Variants in FAM135B observed in about 807,000 individuals in gnomAD.
FAM135B encodes the protein protein FAM135B.
In FAM135B, 43 loss-of-function variants were observed where a neutral mutation model predicts 127.7. The ratio of observed to expected loss-of-function variants is 0.34; its 90% CI spans 0.26 to 0.43. The LOEUF (loss-of-function observed/expected upper bound fraction) is 0.43, where lower values mean the gene tolerates loss of function less well. FAM135B is among the 20% of genes least tolerant of loss of function. FAM135B has a pLI of 1.00. For missense variants in FAM135B, 1,558 were observed against 1,725.6 expected, an observed-to-expected ratio of 0.90 and a Z score of 1.72; for synonymous variants, 670 against 665.1, an observed-to-expected ratio of 1.01 and a Z score of -0.11.
At chr8:138,411,685 C>T (rs1322469577) in intron 1 of FAM135B, among the ~76,000 whole-genome samples, 1 of 152,126 alleles carries the variant, frequency 6.6e-6, no homozygotes, top group African/African-American at 2.4e-5. Context: ...AAACTACCAT[C>T]AGAGTGAACA....
chr8:138,196,244 T>C lies in FAM135B; in HGVS notation c.824-937A>G, dbSNP rs571474593. 1.3e-4 allele frequency among the ~76,000 whole-genome samples: 20 copies of C among 152,340 alleles called. No individual in the cohort carries two copies. In the South Asian group the frequency reaches 3.9e-3, roughly 30 times the overall value. The stretch of plus-strand genomic sequence containing the variant: ...ACTGCTACTGAAAAATCTCCATTTT[T>C]CATTTGAGCTATATAAAGTCACTCT... On this transcript the variant is annotated intron_variant, in intron 8 of 19. Transcript: ENST00000395297.
chr8:138,323,374 C>T (rs768802251), intron 2 of FAM135B, among the ~76,000 whole-genome samples: 1 of 152,210 alleles, frequency 6.6e-6, no homozygotes, highest in Non-Finnish European at 1.5e-5. Flanking sequence ...GGAGAAACCT[C>T]ATGACCCCCT....
chr8:138,384,036 C>T (rs1177851444), intron 1 of FAM135B, among the ~76,000 whole-genome samples: 1 of 152,232 alleles, frequency 6.6e-6, no homozygotes, highest in South Asian at 2.1e-4. Flanking sequence ...ATTGTCTATA[C>T]AGCCAATGTG....
At chr8:138,359,780 C>T (rs965071174) in intron 2 of FAM135B, among the ~76,000 whole-genome samples, 6 of 152,250 alleles carry the variant, frequency 3.9e-5, no homozygotes, top group African/African-American at 1.4e-4. Flanking sequence ...CACAGGGGAG[C>T]TGGATGTCGC....
intron 2 of FAM135B, among the ~76,000 whole-genome samples, chr8:138,361,927 GC>G (rs1479816256): frequency 6.6e-6 from 1 of 152,092 alleles, no homozygotes; most frequent in African/African-American, 2.4e-5. Context: ...TCAGTGACAA[GC>G]ATCTACCATG....
At chr8:138,480,095 T>C (rs1814716256) in intron 1 of FAM135B, among the ~76,000 whole-genome samples, 1 of 152,144 alleles carries the variant, frequency 6.6e-6, no homozygotes, top group African/African-American at 2.4e-5. Context: ...AACAACACGG[T>C]CATTCATTGG....
chr8:138,149,913 C>T (rs749500836), intron 13 of FAM135B, among the ~76,000 whole-genome samples: 8 of 152,178 alleles, frequency 5.3e-5, no homozygotes, highest in Admixed American at 5.2e-4. Context: ...CCTGACCAGG[C>T]AGGCACTGGA....
At chr8:138,390,367 T>G (rs1245296677) in intron 1 of FAM135B, among the ~76,000 whole-genome samples, 2 of 152,124 alleles carry the variant, frequency 1.3e-5, no homozygotes, top group African/African-American at 4.8e-5. Context: ...GGGAAACCCC[T>G]TTTTGCTTGG....
chr8:138,455,115 G>A (rs1836704468), intron 1 of FAM135B, among the ~76,000 whole-genome samples: 2 of 152,252 alleles, frequency 1.3e-5, no homozygotes, highest in South Asian at 4.1e-4. Flanking sequence ...AAGTCTTTGG[G>A]GGATCTATTT....
chr8:138,181,341 T>G (rs1815013490), intron 9 of FAM135B, among the ~76,000 whole-genome samples: 1 of 152,178 alleles, frequency 6.6e-6, no homozygotes, highest in African/African-American at 2.4e-5. Flanking sequence ...GGCTTTTGGA[T>G]GAACTGTAAG....
intron 10 of FAM135B, among the ~76,000 whole-genome samples, chr8:138,177,972 C>T (rs568465201): frequency 6.6e-6 from 1 of 152,280 alleles, no homozygotes; most frequent in East Asian, 1.9e-4. Context: ...TCAGCTGGTG[C>T]AGTGGCTCAT....
intron 12 of FAM135B, among the ~76,000 whole-genome samples, chr8:138,159,888 C>T (rs1819188279): frequency 6.6e-6 from 1 of 152,134 alleles, no homozygotes; most frequent in Admixed American, 6.5e-5. Context: ...TAACCAGGGA[C>T]TCATGATGCA....
At chr8:138,134,053 C>T (rs1177230659) in intron 19 of FAM135B, among the ~76,000 whole-genome samples, 1 of 152,078 alleles carries the variant, frequency 6.6e-6, no homozygotes, top group Non-Finnish European at 1.5e-5. Flanking sequence ...GAGTAGCGGT[C>T]ATTACAACAG....
intron 3 of FAM135B, among the ~76,000 whole-genome samples, chr8:138,270,318 G>C (rs547243746): frequency 1.3e-5 from 2 of 152,314 alleles, no homozygotes; most frequent in South Asian, 4.1e-4. Flanking sequence ...GGTGATACTA[G>C]TGTCAATCAC....
At chr8:138,350,458 T>C (rs1829703432) in intron 2 of FAM135B, among the ~76,000 whole-genome samples, 1 of 151,936 alleles carries the variant, frequency 6.6e-6, no homozygotes, top group East Asian at 1.9e-4. Flanking sequence ...AGATGCTCAC[T>C]GGGACACTAG....
intron 7 of FAM135B, among the ~76,000 whole-genome samples, chr8:138,213,074 C>T (rs547380417): frequency 7.2e-5 from 11 of 152,262 alleles, no homozygotes; most frequent in African/African-American, 1.2e-4. Context: ...ACCATCCCAT[C>T]GGGGTCCACT....
intron 17 of FAM135B, among the ~76,000 whole-genome samples, chr8:138,139,646 A>G (rs1037991964): frequency 4.6e-5 from 7 of 152,128 alleles, no homozygotes; most frequent in African/African-American, 1.7e-4. Flanking sequence ...GGCACCTGTA[A>G]TCCCAGCTAC....
chr8:138,150,830 A>G (rs1357764333), intron 13 of FAM135B, among the ~76,000 whole-genome samples: 1 of 152,134 alleles, frequency 6.6e-6, no homozygotes, highest in Non-Finnish European at 1.5e-5. Flanking sequence ...ATAGAAAGAT[A>G]TTTCTAATAT....
rs376322233 is a variant in FAM135B, at chr8:138,383,065, T to TA, written c.-19-15064dup. 8.1e-3 allele frequency among the ~76,000 whole-genome samples: 1,237 copies of TA among 152,308 alleles called. 10 individuals are homozygous for TA. Among genetic ancestry groups the TA allele is most frequent in the South Asian group, 0.029 (142 of 4,826 alleles). On this transcript the variant is annotated intron_variant, in intron 1 of 19. Transcript: ENST00000395297. ...CAAAGTTCATTCATTTGAATGATCATAGAGTATCTCCATTATTCCCAACCT... is the reference window on the plus strand; with the variant it reads ...CAAAGTTCATTCATTTGAATGATCATAAGAGTATCTCCATTATTCCCAACCT...
Sources: allele counts gnomAD v4.1 joint callset (sites outside exome capture counted in the v4.1 genomes callset), GRCh38; gene constraint gnomAD v4.1.1; transcripts MANE v1.5; gene names NCBI Gene and HGNC (gene_info 2026-07-23, HGNC 2026-07-21).